The following DGKK variants were observed in gnomAD, a reference collection of about 807,000 sequenced individuals.
DGKK encodes the protein diacylglycerol kinase kappa.
A neutral mutation model predicts 92.2 loss-of-function variants in DGKK; 35 were observed. That is an observed-to-expected ratio of 0.38 (90% confidence interval 0.29 to 0.50). DGKK has a LOEUF of 0.50. DGKK is among the 20% of genes least tolerant of loss of function. DGKK has a pLI of 0.92. For missense variants in DGKK, 910 were observed against 992.2 expected (o/e 0.92, Z 1.11); for synonymous variants, 368 against 360.6 (o/e 1.02, Z -0.23).
chrX:50,409,506 T>G (rs2147132071), intron 4 of DGKK, among the ~76,000 whole-genome samples: 1 of 112,084 alleles, frequency 8.9e-6, no homozygotes, highest in African/African-American at 3.2e-5. Flanking sequence ...CAGGTCTTCT[T>G]ACTTGTTGAC....
chrX:50,402,961 G>A, intron 7 of DGKK, 100 bp downstream of exon 7: 1 of 1,057,641 alleles, frequency 9.5e-7, no homozygotes, highest in Non-Finnish European at 1.3e-6. Flanking sequence ...TGAGATAAGA[G>A]TTTCTTAGAT....
intron 1 of DGKK, among the ~76,000 whole-genome samples, chrX:50,433,359 C>T (rs1569544890): frequency 8.9e-6 from 1 of 112,164 alleles, no homozygotes; most frequent in Non-Finnish European, 1.9e-5. Context: ...TTGTAGAGCA[C>T]TGGGCCTCAG....
intron 1 of DGKK, among the ~76,000 whole-genome samples, chrX:50,460,993 C>G (rs1055206350): frequency 9.3e-6 from 1 of 107,884 alleles, no homozygotes; most frequent in Admixed American, 1.0e-4. Context: ...TGGTTTTGTT[C>G]TGGATCTCCT....
intron 8 of DGKK, among the ~76,000 whole-genome samples, chrX:50,394,397 T>A (rs782506595): frequency 9.0e-6 from 1 of 111,665 alleles, no homozygotes; most frequent in African/African-American, 3.3e-5. Flanking sequence ...CCAGTGGAGC[T>A]TGAAGGCATC....
intron 1 of DGKK, among the ~76,000 whole-genome samples, chrX:50,443,662 C>T (rs1557231467): frequency 9.2e-6 from 1 of 108,825 alleles, no homozygotes. Flanking sequence ...TGGTACAATC[C>T]ATAGAGCTTA....
Position 50,366,167 on chromosome X carries a change from G to T in DGKK, c.*2773C>A, listed in dbSNP as rs1292543809. Reference sequence around the variant, plus strand: ...GCAATTGTATTAATTACTGCAAGTGGTTAACAAAGTCCTTAAAGGAGCTCA... The same window carrying T: ...GCAATTGTATTAATTACTGCAAGTGTTTAACAAAGTCCTTAAAGGAGCTCA... On this transcript the variant is annotated 3_prime_UTR_variant, in exon 28 of 28. Transcript: ENST00000611977. 8.9e-6 allele frequency: 1 copy of T among 112,265 alleles called. No homozygotes were observed. Among genetic ancestry groups the T allele is most frequent in the Admixed American group, 9.4e-5 (1 of 10,607 alleles). The allele number at this position is 112,265 out of a possible 1,213,427, so 9.3% of individuals were successfully genotyped here. A position where few individuals can be genotyped will look rare whatever the true frequency, so the allele number is the denominator to read the frequency against.
intron 8 of DGKK, among the ~76,000 whole-genome samples, chrX:50,395,453 C>A (rs141104791): frequency 9.0e-6 from 1 of 111,164 alleles, no homozygotes. Flanking sequence ...ACTTTCCCTG[C>A]CAGAGGTCCT....
intron 25 of DGKK, among the ~76,000 whole-genome samples, chrX:50,372,239 C>T (rs1364346678): frequency 1.8e-5 from 2 of 111,937 alleles, no homozygotes; most frequent in African/African-American, 6.5e-5. Context: ...ATAATTTTGT[C>T]CCATCTTCCC....
At chrX:50,460,870 T>C (rs1157909660) in intron 1 of DGKK, among the ~76,000 whole-genome samples, 3 of 107,014 alleles carry the variant, frequency 2.8e-5, no homozygotes. Context: ...CTGTAACTTC[T>C]TGTTAAAGAG....
In DGKK at chrX:50,388,531, T is replaced by C. The variant is rs781917752; in HGVS notation, c.2014A>G (p.Thr672Ala). Residue 672 changes from threonine (T) to alanine (A), a missense_variant, in exon 13 of 28, where the codon ACC becomes GCC. Thr to Ala is a moderately conservative substitution (Grantham distance 58, BLOSUM62 0). Transcript: ENST00000611977. Reference sequence around the variant, plus strand: ...GAGAGCCAAAGGAAGACTGACCTGGTTGCGATGATCATCTCTGTGGGGTAC... The same window carrying C: ...GAGAGCCAAAGGAAGACTGACCTGGCTGCGATGATCATCTCTGTGGGGTAC... The part of the protein sequence containing the change: ...AKYPTEMIIA[T>A]RFLCSAVEDF... The C allele has an allele frequency of 8.3e-7, 1 of 1,203,837 alleles. No homozygotes were observed. The highest frequency in any genetic ancestry group is 1.1e-6 in the Non-Finnish European group (1 of 889,880).
At chrX:50,392,681 C>A (rs1395780077) in intron 9 of DGKK, among the ~76,000 whole-genome samples, 3 of 112,468 alleles carry the variant, frequency 2.7e-5, no homozygotes, top group African/African-American at 6.5e-5. Flanking sequence ...CACTAGTAAC[C>A]TAAACAGACC....
At chrX:50,389,236 C>T (rs1027409511) in intron 12 of DGKK, among the ~76,000 whole-genome samples, 3 of 111,922 alleles carry the variant, frequency 2.7e-5, no homozygotes, top group Non-Finnish European at 5.6e-5. Context: ...CTACTCCTTC[C>T]TCTCTATCAC....
Position 50,392,359 on chromosome X carries a change from G to A in DGKK, c.1686C>T (p.Ala562=). 1 of 1,207,809 alleles carries A rather than the reference G, an allele frequency of 8.3e-7. No homozygotes were observed. ...SVSWVLSLID[A]FGLHEKCQLA... is the part of the protein sequence containing the mutation. ...GACTTACCTTTTCATGTAATCCAAA[G>A]GCATCAATCAGAGATAAGACCCAGC... Residue 562 remains alanine, a synonymous_variant, in exon 10 of 28, where the codon GCC becomes GCT. Coordinates refer to ENST00000611977, the MANE Select transcript of DGKK (RefSeq NM_001013742.4).
Position 50,376,927 on chromosome X carries a change from G to T in DGKK, c.3112-9C>A, listed in dbSNP as rs371006090. On this transcript the variant is annotated splice_polypyrimidine_tract_variant and intron_variant, in intron 22 of 27. Transcript: ENST00000611977. ...ATTGAGTTCTCAAAGTCCTGGAGAT[G>T]AATACAGTGGCATATCCTAATGATT... 3 of 1,181,826 alleles carry T rather than the reference G, an allele frequency of 2.5e-6. No individual in the cohort carries two copies. The highest frequency in any genetic ancestry group is 2.3e-6 in the Non-Finnish European group (2 of 878,830).
chrX:50,392,557 A>G, intron 9 of DGKK, 108 bp from the exon 10 acceptor site: 1 of 573,102 alleles, frequency 1.7e-6, no homozygotes, highest in South Asian at 2.8e-5. Flanking sequence ...CTCTGCTAAC[A>G]GACCACCTGC....
intron 23 of DGKK, 120 bp from the exon 24 acceptor site, chrX:50,376,285 A>G: frequency 1.5e-6 from 1 of 675,602 alleles, no homozygotes; most frequent in Non-Finnish European, 2.2e-6. Flanking sequence ...ACTTGGACTC[A>G]TGACTCCCTC....
chrX:50,440,718 C>T (rs1252204058), intron 1 of DGKK, among the ~76,000 whole-genome samples: 1 of 111,416 alleles, frequency 9.0e-6, no homozygotes, highest in African/African-American at 3.3e-5. Context: ...AACTTGTCCC[C>T]TCCAAATGGC....
intron 1 of DGKK, among the ~76,000 whole-genome samples, chrX:50,431,883 C>G (rs1431493860): frequency 9.0e-6 from 1 of 111,365 alleles, no homozygotes; most frequent in Non-Finnish European, 1.9e-5. Context: ...GGGCAAATCA[C>G]TTAACCTCTC....
At chrX:50,391,391 T>C (rs782292980) in intron 11 of DGKK, 46 bp downstream of exon 11, 1 of 1,195,968 alleles carries the variant, frequency 8.4e-7, no homozygotes, top group South Asian at 1.8e-5. Flanking sequence ...ATGTGAGTGA[T>C]GTGGGACAGG....
Sources: allele counts gnomAD v4.1 joint callset (sites outside exome capture counted in the v4.1 genomes callset), GRCh38; gene constraint gnomAD v4.1.1; transcripts MANE v1.5; gene names NCBI Gene and HGNC (gene_info 2026-07-23, HGNC 2026-07-21).